SRRM1: variants seen among roughly 807,000 people sequenced by gnomAD.
The protein encoded by SRRM1 is serine and arginine repetitive matrix 1.
In SRRM1, 19 loss-of-function variants were observed where a neutral mutation model predicts 110.2. That is an observed-to-expected ratio of 0.17 (90% CI 0.12 to 0.25). The LOEUF (loss-of-function observed/expected upper bound fraction) is 0.25, where lower values mean the gene tolerates loss of function less well. SRRM1 is among the 10% of genes least tolerant of loss of function. The probability of loss-of-function intolerance (pLI) is 1.00; values close to 1 mark genes in which losing one functional copy is unlikely to be tolerated. For synonymous variants in SRRM1, 443 were observed against 414.9 expected, an observed-to-expected ratio of 1.07 and a Z score of -0.82; for missense variants, 918 against 1,145.8, an observed-to-expected ratio of 0.80 and a Z score of 2.87.
intron 10 of SRRM1, 132 bp from the exon 11 acceptor site, chr1:24,661,178 T>A (rs535286323): frequency 5.3e-5 from 32 of 607,908 alleles, no homozygotes; most frequent in African/African-American, 2.4e-4. Flanking sequence ...AAACTCTTTT[T>A]AAAAAAAATA....
chr1:24,671,032 G>C (rs897800145), intron 15 of SRRM1, among the ~76,000 whole-genome samples: 5 of 151,338 alleles, frequency 3.3e-5, no homozygotes, highest in Non-Finnish European at 7.4e-5. Flanking sequence ...CTACATGTTA[G>C]GCAAGTATTA....
intron 8 of SRRM1, among the ~76,000 whole-genome samples, chr1:24,654,545 A>G (rs1257684779): frequency 6.6e-6 from 1 of 152,222 alleles, no homozygotes; most frequent in African/African-American, 2.4e-5. Context: ...AAACACCAAT[A>G]CCATTCCTAA....
At position 24,669,415 on chromosome 1, in the gene SRRM1, C is replaced by T. The variant is rs201520415; in HGVS notation, c.2032C>T (p.Pro678Ser). ...TACCCGGGAGGCCCGATCACCACAA[C>T]CAAACAAACGGCATTCGCCCTCACC... The part of the protein sequence containing the change: ...RSTREARSPQ[P>S]NKRHSPSPRP... The change falls in exon 14 of 17, where the codon CCA becomes TCA. Residue 678 changes from proline (P) to serine (S), a missense_variant. Coordinates refer to ENST00000323848, the MANE Select transcript of SRRM1 (RefSeq NM_005839.4). 1.2e-6 allele frequency: 2 copies of T among 1,614,184 alleles called. No homozygotes were observed. Among genetic ancestry groups the T allele is most frequent in the Middle Eastern group, 1.6e-4 (1 of 6,062 alleles).
At chr1:24,662,452 C>T (rs1037082825) in intron 11 of SRRM1, among the ~76,000 whole-genome samples, 1 of 152,150 alleles carries the variant, frequency 6.6e-6, no homozygotes, top group Non-Finnish European at 1.5e-5. Context: ...TTGGATTACA[C>T]TGTGGAAATT....
chr1:24,659,861 A>C (rs1666242079), intron 9 of SRRM1, among the ~76,000 whole-genome samples: 1 of 152,196 alleles, frequency 6.6e-6, no homozygotes, highest in Non-Finnish European at 1.5e-5. Context: ...CTCTCCTACT[A>C]CTTGAGGTAT....
intron 12 of SRRM1, 124 bp from the exon 13 acceptor site, chr1:24,666,691 G>A (rs899341023): frequency 1.1e-5 from 7 of 666,398 alleles, no homozygotes; most frequent in African/African-American, 7.4e-5. Flanking sequence ...CTTGAACCTG[G>A]GAGGCGGAGG....
At chr1:24,653,941 G>C (rs942158525) in intron 8 of SRRM1, among the ~76,000 whole-genome samples, 31 of 152,198 alleles carry the variant, frequency 2.0e-4, no homozygotes, top group African/African-American at 6.5e-4. Flanking sequence ...TGTTTCTGCA[G>C]TCAGGTTTTT....
chr1:24,662,577 A>T lies in SRRM1; in HGVS notation c.1484-83A>T, dbSNP rs1371394910. On this transcript the variant is annotated intron_variant, in intron 11 of 16. Transcript: ENST00000323848. ...TACATGCTTGCTTACCCTAGTGAAC[A>T]CTCCATCCACCTAGATTTCAGAAAA... 12 of 1,426,374 alleles carry T rather than the reference A, an allele frequency of 8.4e-6. No homozygotes were observed. In the East Asian group the frequency reaches 2.7e-4, roughly 32 times the overall value. The allele number at this position is 1,426,374 out of a possible 1,614,324, so 88.4% of individuals were successfully genotyped here.
At chr1:24,662,619 C>G (rs901060188) in intron 11 of SRRM1, 41 bp from the exon 12 acceptor site, 17 of 1,599,366 alleles carry the variant, frequency 1.1e-5, no homozygotes, top group Non-Finnish European at 1.4e-5. Flanking sequence ...CAGATTCAAG[C>G]ACAAACCTAA....
At position 24,643,366 on chromosome 1, in the gene SRRM1, C is replaced by T. The variant is rs1654826228; in HGVS notation, c.21+19C>T. The T allele has an allele frequency of 6.5e-7, 1 of 1,546,178 alleles. No homozygotes were observed. Among genetic ancestry groups the T allele is most frequent in the South Asian group, 1.2e-5 (1 of 83,622 alleles). On this transcript the variant is annotated intron_variant, in intron 1 of 16. Transcript: ENST00000323848. ...TTTCCGCGTAAGTAGAAGCGCCGGGCGCCGGGGTGAGGCCAGGGACTTCTC... is the reference window on the plus strand; with the variant it reads ...TTTCCGCGTAAGTAGAAGCGCCGGGTGCCGGGGTGAGGCCAGGGACTTCTC...
chr1:24,652,192 C>T (rs1661351646), intron 6 of SRRM1, among the ~76,000 whole-genome samples: 1 of 150,238 alleles, frequency 6.7e-6, no homozygotes, highest in Non-Finnish European at 1.5e-5. Context: ...TACACTCCAG[C>T]CTGAGTGACA....
intron 13 of SRRM1, 113 bp downstream of exon 13, chr1:24,667,038 A>G: frequency 4.7e-6 from 3 of 634,050 alleles, no homozygotes; most frequent in Non-Finnish European, 8.3e-6. Flanking sequence ...GGCACAGCTC[A>G]TGTGTGCATG....
chr1:24,652,610 G>A lies in SRRM1; in HGVS notation c.902G>A (p.Arg301His), dbSNP rs753789982. ...CCTTCTCACACTCGACCTAGACGGC[G>A]CCATAGATCCCGATCAAGGTGAGTT... Reference protein sequence around the residue: ...RSPSHTRPRRRHRSRSRSYSP... With the variant: ...RSPSHTRPRRHHRSRSRSYSP... The change falls in exon 7 of 17, where the codon CGC becomes CAC. Residue 301 changes from arginine to histidine, a missense_variant. Around this residue, in one of 5 missense-constraint regions of SRRM1, gnomAD observed 456 missense variants for 453.5 expected, o/e 1.01. Transcript: ENST00000323848. The A allele has an allele frequency of 8.7e-6, 14 of 1,604,840 alleles. No homozygotes were observed. Among genetic ancestry groups the A allele is most frequent in the South Asian group, 4.5e-5 (4 of 89,042 alleles).
chr1:24,665,322 G>A (rs774065640), intron 12 of SRRM1, among the ~76,000 whole-genome samples: 13 of 152,176 alleles, frequency 8.5e-5, no homozygotes, highest in East Asian at 3.9e-4. Context: ...CCAGCTACTC[G>A]GGAGGCTCAG....
At chr1:24,656,553 G>C (rs1453808760) in intron 9 of SRRM1, among the ~76,000 whole-genome samples, 2 of 152,166 alleles carry the variant, frequency 1.3e-5, no homozygotes, top group Non-Finnish European at 2.9e-5. Context: ...GAAAATTTCA[G>C]TCCATTTTCA....
At chr1:24,653,634 C>CT (rs931604361) in intron 8 of SRRM1, among the ~76,000 whole-genome samples, 5 of 151,900 alleles carry the variant, frequency 3.3e-5, no homozygotes, top group African/African-American at 4.8e-5. Flanking sequence ...TACCAGTGTT[C>CT]TTTTTTTTAC....
rs140485954 is a variant in SRRM1 at position 24,671,589 on chromosome 1, G to A, written c.2604G>A (p.Pro868=). 6.0e-5 allele frequency: 95 copies of A among 1,588,604 alleles called. No homozygotes were observed. Among genetic ancestry groups the A allele is most frequent in the Non-Finnish European group, 7.5e-5 (88 of 1,172,450 alleles). ...AAGAGCCAGTGGCAGCGCCAGAGCC[G>A]AAGAAGGTATTTATGAACTCTGTAT... The part of the protein sequence containing the change: ...AQEEPVAAPE[P]KKETESEAED... The change falls in exon 16 of 17, where the codon CCG becomes CCA. Residue 868 remains proline (P), a synonymous_variant. Transcript: ENST00000323848.
intron 3 of SRRM1, 186 bp downstream of exon 3, chr1:24,646,975 C>T: frequency 2.3e-6 from 1 of 443,792 alleles, no homozygotes. Flanking sequence ...GTTTTGAAAG[C>T]TACACAGGTG....
chr1:24,644,747 A>G (rs528398796), intron 1 of SRRM1, among the ~76,000 whole-genome samples: 43 of 152,358 alleles, frequency 2.8e-4, no homozygotes, highest in African/African-American at 9.9e-4. Flanking sequence ...AGTGTTTTGT[A>G]GTAAATATTC....
Sources: gnomAD v4.1 joint callset for allele counts (sites outside exome capture counted in the v4.1 genomes callset) on GRCh38, gnomAD v4.1.1 for gene constraint, gnomAD v4.1.1 regional missense constraint, MANE v1.5 for transcripts, NCBI Gene and HGNC (gene_info 2026-07-23, HGNC 2026-07-21) for gene names.